The following GABRA3 variants were observed in gnomAD, a reference collection of about 807,000 sequenced individuals.
GABRA3 encodes gamma-aminobutyric acid receptor subunit alpha-3.
GABRA3 carries 10 observed loss-of-function variants against 30.1 expected under a neutral mutation model. The ratio of observed to expected loss-of-function variants is 0.33; its 90% confidence interval spans 0.20 to 0.56. The LOEUF is 0.56. GABRA3 is among the 20% of genes least tolerant of loss of function. The pLI, the probability that GABRA3 is intolerant of heterozygous loss-of-function variation, is 0.89. For missense variants in GABRA3, 233 were observed against 392.0 expected (o/e 0.59, Z 3.42); for synonymous variants, 151 against 146.8 (o/e 1.03, Z -0.21).
intron 1 of GABRA3, among the ~76,000 whole-genome samples, chrX:152,365,514 G>A (rs1928632732): frequency 9.0e-6 from 1 of 111,485 alleles, no homozygotes; most frequent in South Asian, 3.7e-4. Flanking sequence ...TAAAGTGATG[G>A]TTACTTGCTA....
intron 4 of GABRA3, 101 bp from the exon 5 acceptor site, chrX:152,256,099 G>T: frequency 1.8e-6 from 1 of 565,412 alleles, no homozygotes; most frequent in Non-Finnish European, 3.0e-6. Context: ...TTCCTCTGAT[G>T]CAGAGAAGCA....
chrX:152,258,356 G>A (rs1010974223), intron 4 of GABRA3, among the ~76,000 whole-genome samples: 1 of 111,228 alleles, frequency 9.0e-6, no homozygotes, highest in Admixed American at 9.6e-5. Flanking sequence ...ATACATATGA[G>A]GAAAAATTGC....
At chrX:152,253,806 T>C (rs1938594877) in intron 5 of GABRA3, among the ~76,000 whole-genome samples, 1 of 111,496 alleles carries the variant, frequency 9.0e-6, no homozygotes, top group African/African-American at 3.3e-5. Context: ...AGAACGTCCT[T>C]CCTCTCTTCC....
At chrX:152,169,542 G>A (rs1168443486) in intron 9 of GABRA3, among the ~76,000 whole-genome samples, 1 of 111,962 alleles carries the variant, frequency 8.9e-6, no homozygotes, top group Non-Finnish European at 1.9e-5. Flanking sequence ...GAGAGAAGAG[G>A]AGACAATGCT....
chrX:152,229,577 G>A (rs1023778951), intron 5 of GABRA3, among the ~76,000 whole-genome samples: 2 of 110,285 alleles, frequency 1.8e-5, no homozygotes, highest in African/African-American at 6.6e-5. Context: ...AGAAGGGGTA[G>A]CAGTGCAAAG....
chrX:152,168,683 G>T, intron 9 of GABRA3, 120 bp from the exon 10 acceptor site: 1 of 513,684 alleles, frequency 1.9e-6, no homozygotes, highest in East Asian at 3.5e-5. Context: ...TAAGGCACAG[G>T]GGCCATGTAG....
chrX:152,363,330 A>G (rs1158938337), intron 2 of GABRA3, among the ~76,000 whole-genome samples: 1 of 112,189 alleles, frequency 8.9e-6, no homozygotes, highest in Non-Finnish European at 1.9e-5. Flanking sequence ...TTGGTATAAT[A>G]CTATTCTCGG....
At chrX:152,410,632 A>G (rs911351451) in intron 1 of GABRA3, among the ~76,000 whole-genome samples, 3 of 111,684 alleles carry the variant, frequency 2.7e-5, no homozygotes, top group African/African-American at 9.7e-5. Flanking sequence ...AAAAAATTAA[A>G]TAAATTGTTT....
chrX:152,341,706 A>T (rs1456236440), intron 3 of GABRA3, among the ~76,000 whole-genome samples: 1 of 104,490 alleles, frequency 9.6e-6, no homozygotes, highest in African/African-American at 3.5e-5. Flanking sequence ...CCCCCCGCTA[A>T]TTTTTTTGTA....
chrX:152,240,810 T>G (rs905505173), intron 5 of GABRA3, among the ~76,000 whole-genome samples: 1 of 97,813 alleles, frequency 1.0e-5, no homozygotes. Flanking sequence ...TTCTGCATTC[T>G]TCACGTAGTT....
chrX:152,245,396 T>C (rs1484295597), intron 5 of GABRA3, among the ~76,000 whole-genome samples: 1 of 111,279 alleles, frequency 9.0e-6, no homozygotes, highest in African/African-American at 3.3e-5. Flanking sequence ...TGAAATATAC[T>C]ACCACCAAAC....
At chrX:152,196,509 T>C (rs1056115653) in intron 8 of GABRA3, among the ~76,000 whole-genome samples, 6 of 111,015 alleles carry the variant, frequency 5.4e-5, no homozygotes, top group Non-Finnish European at 1.1e-4. Flanking sequence ...TCTAGGATTT[T>C]ATAAAGGAAG....
At chrX:152,444,754 T>TTTTTG (rs1931029325) in intron 1 of GABRA3, among the ~76,000 whole-genome samples, 1 of 90,064 alleles carries the variant, frequency 1.1e-5, no homozygotes, top group Admixed American at 1.3e-4. Context: ...TTTTGTTTTT[T>TTTTTG]TTTGTTTGTT....
intron 1 of GABRA3, among the ~76,000 whole-genome samples, chrX:152,413,674 G>GA (rs1426209172): frequency 9.0e-6 from 1 of 110,936 alleles, no homozygotes; most frequent in Non-Finnish European, 1.9e-5. Flanking sequence ...AAGAACGCCT[G>GA]AAAAAAACGT....
chrX:152,189,676 C>G (rs1937297870), intron 9 of GABRA3, 54 bp downstream of exon 9: 8 of 935,010 alleles, frequency 8.6e-6, no homozygotes, highest in African/African-American at 3.9e-5. Context: ...CACTCCTGGT[C>G]CCAATACAGG....
chrX:152,233,764 T>C (rs1391340908), intron 5 of GABRA3, among the ~76,000 whole-genome samples: 22 of 104,301 alleles, frequency 2.1e-4, no homozygotes, highest in African/African-American at 7.0e-4. Flanking sequence ...TATTGCGGCA[T>C]TATTCACAAT....
At chrX:152,200,574 C>G (rs183338119) in intron 7 of GABRA3, among the ~76,000 whole-genome samples, 2 of 110,127 alleles carry the variant, frequency 1.8e-5, no homozygotes, top group Non-Finnish European at 3.8e-5. Flanking sequence ...CTTTCCCTTT[C>G]CTTCACTCTC....
chrX:152,226,910 T>C (rs1006405701), intron 5 of GABRA3, among the ~76,000 whole-genome samples: 2 of 111,439 alleles, frequency 1.8e-5, no homozygotes, highest in Non-Finnish European at 3.8e-5. Flanking sequence ...TGTGGAGAAA[T>C]AGAACTCTTT....
chrX:152,231,143 A>G (rs1374120222), intron 5 of GABRA3, among the ~76,000 whole-genome samples: 1 of 89,740 alleles, frequency 1.1e-5, no homozygotes, highest in Non-Finnish European at 1.9e-5. Context: ...TGAGAAGTGT[A>G]TATATATATA....
Sources: gnomAD v4.1 joint callset for allele counts (sites outside exome capture counted in the v4.1 genomes callset) on GRCh38, gnomAD v4.1.1 for gene constraint, MANE v1.5 for transcripts, NCBI Gene and HGNC (gene_info 2026-07-23, HGNC 2026-07-21) for gene names.